Variants in PIDD1 observed in about 807,000 individuals in gnomAD.
PIDD1 encodes the protein p53-induced death domain-containing protein 1.
In PIDD1, 72 loss-of-function variants were observed where a neutral mutation model predicts 80.0. The ratio of observed to expected loss-of-function variants is 0.90; its 90% CI spans 0.74 to 1.09. PIDD1 has a LOEUF of 1.09. PIDD1 is among the 50% of genes least tolerant of loss of function. The pLI is 0.00. For synonymous variants in PIDD1, 655 were observed against 543.5 expected (o/e 1.21, Z -2.85); for missense variants, 1,329 against 1,228.3 (o/e 1.08, Z -1.23).
Position 800,672 on chromosome 11 carries a change from G to A in PIDD1, c.1918-6C>T, listed in dbSNP as rs1447238338. ...CGCCGAAGGGTGGCGTCCACCTGCGGGGAAGCCCGTGCAGCTCAGGACCCA... is the reference window on the plus strand; with the variant it reads ...CGCCGAAGGGTGGCGTCCACCTGCGAGGAAGCCCGTGCAGCTCAGGACCCA... On this transcript the variant is annotated splice_polypyrimidine_tract_variant and splice_region_variant and intron_variant, in intron 11 of 15. Coordinates refer to ENST00000347755, the MANE Select transcript of PIDD1 (RefSeq NM_145886.4). 1.3e-6 allele frequency: 2 copies of A among 1,577,002 alleles called. No individual in the cohort carries two copies. The highest frequency in any genetic ancestry group is 2.3e-5 in the East Asian group (1 of 43,112).
Position 801,000 on chromosome 11 carries a change from A to T in PIDD1, c.1751T>A (p.Val584Asp). 6.2e-7 allele frequency: 1 copy of T among 1,604,646 alleles called. No individual in the cohort carries two copies. ...ELTHLYARFQ[V>D]THFSWYWLWY... ...GGGCACTGACCAGGAGAAGTGTGTG[A>T]CCTGGAAGCGTGCGTACAGGTGGGT... Residue 584 changes from valine to aspartate, a missense_variant, in exon 10 of 16, where the codon GTC (valine) becomes GAC (aspartate). Coordinates refer to ENST00000347755, the MANE Select transcript of PIDD1 (RefSeq NM_145886.4).
chr11:806,179 CCT>C (rs1565073192), upstream of PIDD1: 1 of 152,450 alleles, frequency 6.6e-6, no homozygotes, highest in Non-Finnish European at 1.5e-5. Flanking sequence ...TGAAATCTGC[CCT>C]GTCCGCCTTC....
rs894706181 is a variant in PIDD1 at position 799,564 on chromosome 11, C to T, written c.2476G>A (p.Asp826Asn). 2 of 1,593,966 alleles carry T rather than the reference C, an allele frequency of 1.3e-6. No homozygotes were observed. Among genetic ancestry groups the T allele is most frequent in the Non-Finnish European group, 8.5e-7 (1 of 1,174,376 alleles). The change falls in exon 16 of 16, where the codon GAT becomes AAT. Residue 826 changes from aspartate (D) to asparagine (N), a missense_variant and splice_region_variant. Transcript: ENST00000347755. The stretch of plus-strand genomic sequence containing the variant: ...TGACGGATCTGCTCATCCAGATCAT[C>T]CCTGCAGGCAGAGGATGGGCGACAG... Reference protein sequence around the residue: ...EVQRIRHEFRDDLDEQIRHML... With the variant: ...EVQRIRHEFRNDLDEQIRHML...
Position 802,078 on chromosome 11 carries a change from A to C in PIDD1, c.1189T>G (p.Trp397Gly). 1 of 1,579,048 alleles carries C rather than the reference A, an allele frequency of 6.3e-7. No homozygotes were observed. Among genetic ancestry groups the C allele is most frequent in the South Asian group, 1.2e-5 (1 of 86,830 alleles). ...GVAFQQDVGL[W>G]LLFTPPQARR... ...GCCTGCGGTGGGGTGAAGAGCAGCC[A>C]CAGCCCCACATCCTGCCAGACAAGG... Residue 397 changes from tryptophan (W) to glycine (G), a missense_variant, in exon 7 of 16, where the codon TGG becomes GGG. By Grantham distance (184) the Trp-to-Gly change is radical. Transcript: ENST00000347755.
chr11:801,211 C>T lies in PIDD1; in HGVS notation c.1630+7G>A, dbSNP rs1865284060. ...AGGTCCAGGTATGCCCCATGGCTGC[C>T]TCTCACCTGTGATGCCAGAGGGCAG... On this transcript the variant is annotated splice_region_variant and intron_variant, in intron 9 of 15. Transcript: ENST00000347755. 6.5e-7 allele frequency: 1 copy of T among 1,547,364 alleles called. No homozygotes were observed. Among genetic ancestry groups the T allele is most frequent in the South Asian group, 1.2e-5 (1 of 81,422 alleles).
chr11:803,271 AT>A lies in PIDD1; in HGVS notation c.611del (p.Asn204IlefsTer67). ...STLQRLDLSQ[N>X]LLDTLPPEIG... ...TCTCAGGAGGTAGCGTGTCCAGCAG[AT>A]TCTGAGAGAGATCGAGGCGCTGCAG... On this transcript the variant is annotated frameshift_variant, in exon 3 of 16. Coordinates refer to ENST00000347755, the MANE Select transcript of PIDD1 (RefSeq NM_145886.4). LOFTEE classifies it high-confidence loss of function. The A allele has an allele frequency of 1.2e-6, 2 of 1,613,682 alleles. No homozygotes were observed. Among genetic ancestry groups the A allele is most frequent in the Non-Finnish European group, 1.7e-6 (2 of 1,179,958 alleles).
upstream of PIDD1, chr11:809,432 G>A (rs1429355260): frequency 6.6e-6 from 1 of 152,244 alleles, no homozygotes; most frequent in African/African-American, 2.4e-5. Context: ...CCGGCTGGAC[G>A]TGGGACCACC....
rs765785991 is a variant in PIDD1, at chr11:799,301, T to C, written c.*6A>G. ...ATATCTGGGCCAGCCTAAAAGTCTG[T>C]GGGGCCTAGGCCTGGGCAGGCTCTG... On this transcript the variant is annotated 3_prime_UTR_variant, in exon 16 of 16. Transcript: ENST00000347755. 4 of 1,579,614 alleles carry C rather than the reference T, an allele frequency of 2.5e-6. No individual in the cohort carries two copies. Among genetic ancestry groups the C allele is most frequent in the Non-Finnish European group, 2.6e-6 (3 of 1,163,822 alleles).
chr11:805,727 G>A (rs1270546368), upstream of PIDD1: 1 of 968,626 alleles, frequency 1.0e-6, no homozygotes, highest in Non-Finnish European at 1.2e-6. Flanking sequence ...CCTTCCTTTC[G>A]AGCCATCACT....
intron 10 of PIDD1, 29 bp downstream of exon 10, chr11:800,956 G>T: frequency 1.3e-6 from 2 of 1,591,298 alleles, no homozygotes; most frequent in East Asian, 2.3e-5. Context: ...ACTGGGGGAG[G>T]GGGGCTGAGA....
chr11:804,067 A>G (rs1865593240), intron 2 of PIDD1, 27 bp downstream of exon 2: 1 of 1,576,484 alleles, frequency 6.3e-7, no homozygotes, highest in Non-Finnish European at 8.6e-7. Flanking sequence ...AGAGATGGAG[A>G]CAGGGCCCAG....
chr11:802,921 A>ACCAGC (rs1735983613), intron 3 of PIDD1, 30 bp from the exon 4 acceptor site: 3 of 1,533,758 alleles, frequency 2.0e-6, no homozygotes, highest in Non-Finnish European at 2.6e-6. Context: ...TAGGCTTGGC[A>ACCAGC]CCAGCCCAGC....
chr11:800,721 C>G (rs1465981784), intron 11 of PIDD1, 41 bp downstream of exon 11: 2 of 1,547,542 alleles, frequency 1.3e-6, no homozygotes, highest in African/African-American at 1.4e-5. Context: ...CACCCCAGCC[C>G]TCTGGTCACC....
At chr11:799,681 C>A in intron 15 of PIDD1, 116 bp from the exon 16 acceptor site, 2 of 1,395,754 alleles carry the variant, frequency 1.4e-6, no homozygotes, top group Non-Finnish European at 9.5e-7. Context: ...TGCGGCCAGA[C>A]CTTTCCTTTC....
rs1403049852 is a variant in PIDD1, at chr11:803,399, C to G, written c.484G>C (p.Glu162Gln). ...AGGGCCCCCAGAGCCTCAGGCAGCT[C>G]AGAGAGGCAGTTGTGAGACAGCAAG... is the stretch of plus-strand genomic sequence containing the variant. ...ALLLSHNCLSELPEALGALPA... is the reference protein window; with the variant it reads ...ALLLSHNCLSQLPEALGALPA... Residue 162 changes from glutamate to glutamine, a missense_variant, in exon 3 of 16, where the codon GAG (glutamate) becomes CAG (glutamine). By Grantham distance (29) the Glu-to-Gln change is conservative. Coordinates refer to ENST00000347755, the MANE Select transcript of PIDD1 (RefSeq NM_145886.4). The G allele has an allele frequency of 1.4e-5, 23 of 1,613,906 alleles. No homozygotes were observed. Among genetic ancestry groups the G allele is most frequent in the East Asian group, 2.2e-5 (1 of 44,882 alleles).
chr11:808,095 C>CT (rs1354992612), upstream of PIDD1, among the ~76,000 whole-genome samples: 31 of 149,480 alleles, frequency 2.1e-4, no homozygotes, highest in African/African-American at 2.5e-5. Flanking sequence ...GGAATAGGGA[C>CT]TTTAATAGGT....
upstream of PIDD1, among the ~76,000 whole-genome samples, chr11:807,884 A>G (rs976663469): frequency 6.6e-6 from 1 of 152,350 alleles, no homozygotes. Flanking sequence ...AGCCTGGCCC[A>G]CATAAACTAC....
In PIDD1 at chr11:804,377, C is replaced by T. The variant is rs1865629649; in HGVS notation, c.12G>A (p.Thr4=). MAA[T]VEGPELEAAA... is the part of the protein sequence containing the mutation. ...CTGCCTCCAGCTCTGGCCCCTCCACCGTTGCAGCCATCGCCCACCGACGGT... is the reference window on the plus strand; with the variant it reads ...CTGCCTCCAGCTCTGGCCCCTCCACTGTTGCAGCCATCGCCCACCGACGGT... Residue 4 remains threonine (T), a synonymous_variant, in exon 2 of 16, where the codon ACG becomes ACA. Coordinates refer to ENST00000347755, the MANE Select transcript of PIDD1 (RefSeq NM_145886.4). 1.9e-6 allele frequency: 3 copies of T among 1,592,324 alleles called. No individual in the cohort carries two copies. The highest frequency in any genetic ancestry group is 1.7e-6 in the Non-Finnish European group (2 of 1,166,898).
chr11:808,299 T>G (rs1242059485), upstream of PIDD1, among the ~76,000 whole-genome samples: 1 of 151,782 alleles, frequency 6.6e-6, no homozygotes, highest in African/African-American at 2.4e-5. Context: ...TGGTAGTGGG[T>G]GCCTGTAATC....
Sources: allele counts gnomAD v4.1 joint callset (sites outside exome capture counted in the v4.1 genomes callset), GRCh38; gene constraint gnomAD v4.1.1; transcripts MANE v1.5; gene names NCBI Gene and HGNC (gene_info 2026-07-23, HGNC 2026-07-21).